Variants in SGMS1 observed in about 807,000 individuals in gnomAD.
The protein encoded by SGMS1 is sphingomyelin synthase 1.
SGMS1 carries 13 observed loss-of-function variants against 46.2 expected under a neutral mutation model. The ratio of observed to expected loss-of-function variants is 0.28; its 90% confidence interval spans 0.18 to 0.45. SGMS1 has a LOEUF of 0.45. Among genes scored for constraint, SGMS1 ranks in the 20% least tolerant of loss-of-function variants. The pLI is 1.00. For synonymous variants in SGMS1, 203 were observed against 187.8 expected (o/e 1.08, Z -0.66); for missense variants, 324 against 519.9 (o/e 0.62, Z 3.66).
intron 3 of SGMS1, among the ~76,000 whole-genome samples, chr10:50,512,861 A>G (rs565193177): frequency 2.1e-4 from 32 of 152,282 alleles, no homozygotes; most frequent in African/African-American, 7.5e-4. Flanking sequence ...ACCTTGCAGT[A>G]CCCGGGGTAA....
At chr10:50,611,263 C>G (rs1225364075) in intron 1 of SGMS1, among the ~76,000 whole-genome samples, 1 of 152,222 alleles carries the variant, frequency 6.6e-6, no homozygotes, top group African/African-American at 2.4e-5. Flanking sequence ...TCTGCTGCCA[C>G]ATCCCAAGGC....
intron 1 of SGMS1, among the ~76,000 whole-genome samples, chr10:50,618,817 T>C (rs944288159): frequency 1.3e-5 from 2 of 152,202 alleles, no homozygotes; most frequent in African/African-American, 2.4e-5. Flanking sequence ...AACTTTCCCA[T>C]GTATCAGAAT....
chr10:50,323,353 C>T (rs1847479753), intron 8 of SGMS1, among the ~76,000 whole-genome samples: 1 of 152,118 alleles, frequency 6.6e-6, no homozygotes, highest in South Asian at 2.1e-4. Flanking sequence ...CTGTATTAAG[C>T]AGGAAGTCAT....
intron 6 of SGMS1, among the ~76,000 whole-genome samples, chr10:50,400,758 G>A (rs2133538728): frequency 6.6e-6 from 1 of 152,264 alleles, no homozygotes; most frequent in African/African-American, 2.4e-5. Context: ...AGTGCTGACT[G>A]TTCCTTTACT....
rs764333823 is a variant in SGMS1 at position 50,307,371 on chromosome 10, A to G, written c.1063-50T>C. ...ACATTTCTTACAATCTTTCACTTTA[A>G]GTTCAAATACTTGCCACGCTAAAAT... On this transcript the variant is annotated intron_variant, in intron 10 of 10. Coordinates refer to ENST00000361781, the MANE Select transcript of SGMS1 (RefSeq NM_147156.4). This position sits in a 1 kb window ranked among gnomAD's most constrained non-coding sequence, Gnocchi z 4.2. 6.4e-7 allele frequency: 1 copy of G among 1,557,224 alleles called. No individual in the cohort carries two copies.
chr10:50,371,380 T>C (rs1343291614), intron 6 of SGMS1, among the ~76,000 whole-genome samples: 5 of 152,176 alleles, frequency 3.3e-5, no homozygotes, highest in African/African-American at 7.2e-5. Flanking sequence ...CCCTATCCCA[T>C]CCAAACCCAA....
chr10:50,529,450 C>G (rs1033201483), intron 2 of SGMS1, among the ~76,000 whole-genome samples: 1 of 152,128 alleles, frequency 6.6e-6, no homozygotes, highest in Admixed American at 6.5e-5. Context: ...AGCCATACTA[C>G]AAAATGTAGA....
At chr10:50,558,471 G>C (rs1047874339) in intron 2 of SGMS1, among the ~76,000 whole-genome samples, 4 of 152,064 alleles carry the variant, frequency 2.6e-5, no homozygotes, top group Non-Finnish European at 5.9e-5. Flanking sequence ...AAGCTGCTTG[G>C]AACGAGCCAA....
At chr10:50,508,631 C>T (rs1366996156) in intron 3 of SGMS1, among the ~76,000 whole-genome samples, 1 of 152,152 alleles carries the variant, frequency 6.6e-6, no homozygotes, top group Non-Finnish European at 1.5e-5. Flanking sequence ...TTGTTTGACT[C>T]ACTGTGGCAG....
At chr10:50,514,396 C>T (rs968832286) in intron 3 of SGMS1, among the ~76,000 whole-genome samples, 8 of 152,132 alleles carry the variant, frequency 5.3e-5, no homozygotes, top group African/African-American at 1.2e-4. Context: ...CCATAGTTCC[C>T]GGACTCTTTT....
intron 1 of SGMS1, among the ~76,000 whole-genome samples, chr10:50,608,751 C>T (rs1412390770): frequency 6.6e-6 from 1 of 152,086 alleles, no homozygotes. Context: ...GTGAAGGAGA[C>T]ATTCTTTTTG....
At chr10:50,328,365 T>C (rs991528322) in intron 7 of SGMS1, among the ~76,000 whole-genome samples, 1 of 152,198 alleles carries the variant, frequency 6.6e-6, no homozygotes, top group Non-Finnish European at 1.5e-5. Flanking sequence ...TTAGAAACAG[T>C]GGGCAGGTGT....
intron 3 of SGMS1, among the ~76,000 whole-genome samples, chr10:50,504,566 A>ATTC (rs1837688906): frequency 6.6e-6 from 1 of 152,208 alleles, no homozygotes; most frequent in Non-Finnish European, 1.5e-5. Context: ...ACAAAAGGCA[A>ATTC]TTCTCCAGGA....
intron 7 of SGMS1, among the ~76,000 whole-genome samples, chr10:50,333,276 A>G (rs944783119): frequency 1.3e-5 from 2 of 152,216 alleles, no homozygotes; most frequent in African/African-American, 4.8e-5. Flanking sequence ...AGTACCAGCA[A>G]CACTACACAG....
At chr10:50,344,699 C>A (rs1462754573) in intron 6 of SGMS1, among the ~76,000 whole-genome samples, 2 of 151,870 alleles carry the variant, frequency 1.3e-5, no homozygotes, top group Non-Finnish European at 2.9e-5. Flanking sequence ...GAAACCCTGT[C>A]TCTACTAAAA....
chr10:50,437,919 C>G (rs1849495724), intron 5 of SGMS1, among the ~76,000 whole-genome samples: 1 of 152,112 alleles, frequency 6.6e-6, no homozygotes, highest in South Asian at 2.1e-4. Context: ...AGGAAGGGCC[C>G]CAGCAGCATG....
At chr10:50,573,549 G>T (rs1838353827) in intron 2 of SGMS1, among the ~76,000 whole-genome samples, 1 of 152,088 alleles carries the variant, frequency 6.6e-6, no homozygotes, top group Non-Finnish European at 1.5e-5. Flanking sequence ...GTGTATTCAT[G>T]GATAGGAAGA....
At chr10:50,372,698 A>AAACAAAAAACAAAAAAC (rs1415969128) in intron 6 of SGMS1, among the ~76,000 whole-genome samples, 1 of 151,946 alleles carries the variant, frequency 6.6e-6, no homozygotes, top group Non-Finnish European at 1.5e-5. Flanking sequence ...GTCTCAAAAA[A>AAACAAAAAACAAAAAAC]AAACAAAAAA....
At chr10:50,376,302 C>T (rs1352147127) in intron 6 of SGMS1, among the ~76,000 whole-genome samples, 1 of 152,082 alleles carries the variant, frequency 6.6e-6, no homozygotes. Flanking sequence ...TAAAGATGTG[C>T]CTTACTCTTG....
Sources: allele counts gnomAD v4.1 joint callset (sites outside exome capture counted in the v4.1 genomes callset), GRCh38; gene constraint gnomAD v4.1.1; non-coding constraint Gnocchi (gnomAD v3.1); transcripts MANE v1.5; gene names NCBI Gene and HGNC (gene_info 2026-07-23, HGNC 2026-07-21).